Variants in KLHDC4 observed in about 807,000 individuals in gnomAD.
The protein encoded by KLHDC4 is kelch domain containing 4, also known as kelch domain-containing protein 4.
In KLHDC4, 90 loss-of-function variants were observed where a neutral mutation model predicts 62.4. The ratio of observed to expected loss-of-function variants is 1.44; its 90% CI spans 1.22 to 1.72. The LOEUF (loss-of-function observed/expected upper bound fraction) is 1.72. Ranked by LOEUF, KLHDC4 falls within the 40% of genes most tolerant of loss-of-function variation. The pLI, the probability that KLHDC4 is intolerant of heterozygous loss-of-function variation, is 0.00. For synonymous variants in KLHDC4, 386 were observed against 284.4 expected (o/e 1.36, Z -3.59); for missense variants, 1,025 against 699.7 (o/e 1.47, Z -5.25).
intron 5 of KLHDC4, chr16:87,730,984 C>CTG (rs34307580): frequency 0.12 from 19,462 of 168,332 alleles, 1,818 homozygotes; most frequent in African/African-American, 0.26. Flanking sequence ...AAGCAACAGA[C>CTG]AGAGAAATAT....
intron 1 of KLHDC4, chr16:87,765,177 G>A (rs1361606882): frequency 2.2e-6 from 1 of 456,052 alleles, no homozygotes; most frequent in Non-Finnish European, 4.4e-6. Flanking sequence ...CAACCCCAAG[G>A]TCAGGACGGA....
At chr16:87,758,893 T>A (rs569007099) in intron 2 of KLHDC4, among the ~76,000 whole-genome samples, 10 of 137,396 alleles carry the variant, frequency 7.3e-5, no homozygotes, top group Non-Finnish European at 1.4e-4. Context: ...TGGCAAATTT[T>A]GGCCAGGCGC....
chr16:87,702,984 G>C (rs1221591136), downstream of KLHDC4: 5 of 152,212 alleles, frequency 3.3e-5, no homozygotes, highest in Non-Finnish European at 7.3e-5. Context: ...AAATCATACT[G>C]TTACGAAAAC....
chr16:87,714,586 G>A lies in KLHDC4; in HGVS notation c.760-13C>T, dbSNP rs369403288. The stretch of plus-strand genomic sequence containing the variant: ...CTTTCTTAACTCTCTGCAATGGAAA[G>A]GAATTGTGTGAGAACCGGGGGCAGC... On this transcript the variant is annotated splice_polypyrimidine_tract_variant and intron_variant, in intron 7 of 11. Coordinates refer to ENST00000270583, the MANE Select transcript of KLHDC4 (RefSeq NM_017566.4). 6.2e-7 allele frequency: 1 copy of A among 1,614,052 alleles called. No homozygotes were observed. Among genetic ancestry groups the A allele is most frequent in the South Asian group, 1.1e-5 (1 of 91,084 alleles).
chr16:87,737,911 G>T (rs1329085119), intron 5 of KLHDC4, among the ~76,000 whole-genome samples: 2 of 152,104 alleles, frequency 1.3e-5, no homozygotes, highest in African/African-American at 4.8e-5. Flanking sequence ...AAGTACATGT[G>T]GGTCCCACCT....
At chr16:87,713,534 A>T (rs2036304217) in intron 8 of KLHDC4, among the ~76,000 whole-genome samples, 1 of 152,194 alleles carries the variant, frequency 6.6e-6, no homozygotes, top group Admixed American at 6.5e-5. Flanking sequence ...TCAAGAAATT[A>T]ATGATTGAAA....
chr16:87,698,356 TAAA>T (rs2033989455), exon 1 of KLHDC4: 1 of 151,668 alleles, frequency 6.6e-6, no homozygotes, highest in Admixed American at 6.6e-5. Context: ...GTGAACCAAA[TAAA>T]GACTCCTGCT....
At chr16:87,744,370 CCGCCA>C (rs764477015) in intron 5 of KLHDC4, among the ~76,000 whole-genome samples, 6 of 151,106 alleles carry the variant, frequency 4.0e-5, no homozygotes, top group Non-Finnish European at 7.4e-5. Context: ...AGCCGAGATC[CCGCCA>C]CTGCACTCCA....
chr16:87,739,579 T>G (rs1392596997), intron 5 of KLHDC4, among the ~76,000 whole-genome samples: 1 of 142,488 alleles, frequency 7.0e-6, no homozygotes, highest in Non-Finnish European at 1.5e-5. Context: ...CAGCACGTCA[T>G]CCATCCACAC....
At chr16:87,760,336 G>A (rs957936978) in intron 2 of KLHDC4, among the ~76,000 whole-genome samples, 15 of 151,480 alleles carry the variant, frequency 9.9e-5, no homozygotes, top group South Asian at 2.1e-4. Flanking sequence ...GGCCGGGCAC[G>A]GTGGCTCACG....
chr16:87,714,123 G>A (rs1056350508), intron 8 of KLHDC4, among the ~76,000 whole-genome samples: 7 of 152,190 alleles, frequency 4.6e-5, no homozygotes, highest in African/African-American at 1.7e-4. Flanking sequence ...CAGCCCCAGT[G>A]ACTCCTGGTG....
intron 6 of KLHDC4, among the ~76,000 whole-genome samples, chr16:87,727,428 G>A (rs993468068): frequency 1.3e-5 from 2 of 152,218 alleles, no homozygotes; most frequent in African/African-American, 2.4e-5. Flanking sequence ...TGAGCAGCCT[G>A]GCAGCAAGGG....
chr16:87,742,569 C>T (rs545682431), intron 5 of KLHDC4, among the ~76,000 whole-genome samples: 2 of 152,156 alleles, frequency 1.3e-5, no homozygotes, highest in Non-Finnish European at 2.9e-5. Context: ...TGGTCCACAG[C>T]TGTCAGGATA....
intron 2 of KLHDC4, among the ~76,000 whole-genome samples, chr16:87,759,417 T>A (rs1188625107): frequency 6.9e-6 from 1 of 145,890 alleles, no homozygotes; most frequent in Non-Finnish European, 1.5e-5. Context: ...AAACTCCGTC[T>A]CAGAAAAGAA....
chr16:87,752,982 A>G (rs918790505), intron 4 of KLHDC4, among the ~76,000 whole-genome samples: 2 of 152,204 alleles, frequency 1.3e-5, no homozygotes, highest in South Asian at 4.1e-4. Context: ...GAGAGCCAGG[A>G]AACACGCCAC....
exon 1 of KLHDC4, chr16:87,702,137 C>G (rs1484428506): frequency 1.1e-5 from 5 of 456,130 alleles, no homozygotes; most frequent in African/African-American, 2.0e-5. Context: ...GTGTGTGGAA[C>G]AGACCGGGAG....
downstream of KLHDC4, chr16:87,703,046 T>A (rs958675587): frequency 2.6e-5 from 4 of 152,256 alleles, no homozygotes; most frequent in Admixed American, 2.6e-4. Context: ...ATAAACAATG[T>A]CGTGTGACAC....
intron 6 of KLHDC4, among the ~76,000 whole-genome samples, chr16:87,728,059 T>A (rs2039685133): frequency 6.6e-6 from 1 of 151,960 alleles, no homozygotes; most frequent in Admixed American, 6.6e-5. Context: ...TGGGGGCGGG[T>A]GCCTATAATC....
intron 4 of KLHDC4, among the ~76,000 whole-genome samples, chr16:87,753,350 G>A (rs2044323854): frequency 6.6e-6 from 1 of 152,214 alleles, no homozygotes; most frequent in Non-Finnish European, 1.5e-5. Flanking sequence ...GAGGTGAAAA[G>A]ATGTCACTGA....
Sources: gnomAD v4.1 joint callset for allele counts (sites outside exome capture counted in the v4.1 genomes callset) on GRCh38, gnomAD v4.1.1 for gene constraint, MANE v1.5 for transcripts, NCBI Gene and HGNC (gene_info 2026-07-23, HGNC 2026-07-21) for gene names.